Variants in ST8SIA2 observed in about 807,000 individuals in gnomAD.
The protein encoded by ST8SIA2 is ST8 alpha-N-acetyl-neuraminide alpha-2,8-sialyltransferase 2.
In ST8SIA2, 22 loss-of-function variants were observed where a neutral mutation model predicts 37.6. The ratio of observed to expected loss-of-function variants is 0.58; its 90% CI spans 0.42 to 0.83. ST8SIA2 has a LOEUF of 0.83. Among genes scored for constraint, ST8SIA2 ranks in the 40% least tolerant of loss-of-function variants. The probability of loss-of-function intolerance (pLI) is 0.00; values close to 1 mark genes in which losing one functional copy is unlikely to be tolerated. For missense variants in ST8SIA2, 382 were observed against 484.7 expected (o/e 0.79, Z 1.99); for synonymous variants, 205 against 201.2 (o/e 1.02, Z -0.16).
chr15:92,398,844 G>A (rs1251818535), intron 1 of ST8SIA2, among the ~76,000 whole-genome samples: 1 of 152,282 alleles, frequency 6.6e-6, no homozygotes, highest in Middle Eastern at 3.4e-3. Context: ...TAATGTTAAC[G>A]AATATATCTG....
chr15:92,454,883 C>G (rs951513297), intron 5 of ST8SIA2, among the ~76,000 whole-genome samples: 2 of 152,012 alleles, frequency 1.3e-5, no homozygotes, highest in Middle Eastern at 3.2e-3. Flanking sequence ...ATTACAACAT[C>G]GAAGGAGGCT....
chr15:92,429,766 T>A (rs1334185152), intron 1 of ST8SIA2, among the ~76,000 whole-genome samples: 2 of 152,248 alleles, frequency 1.3e-5, no homozygotes, highest in African/African-American at 4.8e-5. Flanking sequence ...AGGGAGTTTA[T>A]TTGCCGTCTT....
intron 1 of ST8SIA2, among the ~76,000 whole-genome samples, chr15:92,410,681 TGA>T (rs1270634313): frequency 6.6e-6 from 1 of 152,212 alleles, no homozygotes. Context: ...AAACATCTTA[TGA>T]GAGTAGTATA....
intron 1 of ST8SIA2, among the ~76,000 whole-genome samples, chr15:92,419,459 G>A (rs550280773): frequency 2.0e-5 from 3 of 152,246 alleles, no homozygotes; most frequent in East Asian, 3.9e-4. Flanking sequence ...CTGGGTGTGC[G>A]GGAAATACAC....
intron 1 of ST8SIA2, among the ~76,000 whole-genome samples, chr15:92,407,779 T>C (rs890059908): frequency 3.9e-5 from 6 of 152,254 alleles, no homozygotes; most frequent in African/African-American, 1.4e-4. Context: ...TAATTGTATT[T>C]ATTTTTGCTA....
chr15:92,413,084 A>G (rs568310935), intron 1 of ST8SIA2, among the ~76,000 whole-genome samples: 362 of 152,034 alleles, frequency 2.4e-3, no homozygotes, highest in Non-Finnish European at 3.8e-3. Context: ...CATGTCCCCA[A>G]ATTTCTATTT....
At chr15:92,436,715 T>C (rs2049760899) in intron 3 of ST8SIA2, among the ~76,000 whole-genome samples, 1 of 152,200 alleles carries the variant, frequency 6.6e-6, no homozygotes, top group Non-Finnish European at 1.5e-5. Flanking sequence ...AAACAGTGCC[T>C]CTGTTTTCCA....
chr15:92,423,399 C>G (rs2049651234), intron 1 of ST8SIA2, among the ~76,000 whole-genome samples: 1 of 152,232 alleles, frequency 6.6e-6, no homozygotes, highest in Non-Finnish European at 1.5e-5. Context: ...CCAGCCTGGG[C>G]TATGGAGCAA....
rs2049991467 is a variant in ST8SIA2 at position 92,466,276 on chromosome 15, G to T, written c.*1891G>T. On this transcript the variant is annotated 3_prime_UTR_variant, in exon 6 of 6. Transcript: ENST00000268164. Reference sequence around the variant, plus strand: ...CTAATAGCCTCTGTGGGAACTGAGTGGTTTCGGACTCCTCACAGGCGGTGG... The same window carrying T: ...CTAATAGCCTCTGTGGGAACTGAGTTGTTTCGGACTCCTCACAGGCGGTGG... 6.6e-6 allele frequency: 1 copy of T among 152,166 alleles called. No homozygotes were observed. Among genetic ancestry groups the T allele is most frequent in the African/African-American group, 2.4e-5 (1 of 41,448 alleles). The allele number at this position is 152,166 out of a possible 1,614,324, so 9.4% of individuals were successfully genotyped here. A position where few individuals can be genotyped will look rare whatever the true frequency, so the allele number is the denominator to read the frequency against.
At chr15:92,429,896 G>C (rs1376014676) in intron 1 of ST8SIA2, among the ~76,000 whole-genome samples, 153 bp from the exon 2 acceptor site, 1 of 152,182 alleles carries the variant, frequency 6.6e-6, no homozygotes, top group Non-Finnish European at 1.5e-5. Flanking sequence ...GCTGTGTCTG[G>C]GGCCAGGACT....
chr15:92,397,708 G>A (rs927793061), intron 1 of ST8SIA2, among the ~76,000 whole-genome samples: 1 of 152,192 alleles, frequency 6.6e-6, no homozygotes, highest in Admixed American at 6.5e-5. Context: ...GGATTGTGAG[G>A]CGTAGCTGTC....
Position 92,394,031 on chromosome 15 carries a change from G to A in ST8SIA2, c.-34G>A, listed in dbSNP as rs760619261. 2 of 1,521,886 alleles carry A rather than the reference G, an allele frequency of 1.3e-6. No individual in the cohort carries two copies. Among genetic ancestry groups the A allele is most frequent in the Non-Finnish European group, 1.8e-6 (2 of 1,129,538 alleles). The allele number at this position is 1,521,886 out of a possible 1,614,324, so 94.3% of individuals were successfully genotyped here. ...CCCTCCGGCCCCTGCTCCTCGCGCC[G>A]GCCCGCGTGGGTCCCGGCGGGCGCG... On this transcript the variant is annotated 5_prime_UTR_variant, in exon 1 of 6. Coordinates refer to ENST00000268164, the MANE Select transcript of ST8SIA2 (RefSeq NM_006011.4).
chr15:92,438,359 G>T lies in ST8SIA2; in HGVS notation c.297G>T (p.Gln99His). Residue 99 changes from glutamine to histidine, a missense_variant, in exon 4 of 6, where the codon CAG becomes CAT. Transcript: ENST00000268164. ...NQTLSLRIRKQILKFLDAEKD... is the reference protein window; with the variant it reads ...NQTLSLRIRKHILKFLDAEKD... ...GCATGTTTGGTTTTCACAGGAAGCA[G>T]ATTTTAAAGTTCTTGGATGCTGAAA... 6.2e-7 allele frequency: 1 copy of T among 1,614,214 alleles called. No individual in the cohort carries two copies. Among genetic ancestry groups the T allele is most frequent in the South Asian group, 1.1e-5 (1 of 91,080 alleles).
chr15:92,458,740 A>G (rs1290622308), intron 5 of ST8SIA2, among the ~76,000 whole-genome samples: 2 of 152,216 alleles, frequency 1.3e-5, no homozygotes, highest in East Asian at 3.8e-4. Context: ...GGGTGACCAC[A>G]GCTGCCCAGA....
At chr15:92,394,683 C>G (rs1259383374) in intron 1 of ST8SIA2, among the ~76,000 whole-genome samples, 2 of 152,132 alleles carry the variant, frequency 1.3e-5, no homozygotes, top group African/African-American at 4.8e-5. Flanking sequence ...GGAATGTCCC[C>G]TGCACACACA....
intron 5 of ST8SIA2, among the ~76,000 whole-genome samples, chr15:92,455,962 G>A (rs2049916931): frequency 6.6e-6 from 1 of 152,248 alleles, no homozygotes. Flanking sequence ...ATGAAAAGTG[G>A]TATCTGATTG....
At chr15:92,401,557 C>T (rs779035440) in intron 1 of ST8SIA2, among the ~76,000 whole-genome samples, 33 of 152,192 alleles carry the variant, frequency 2.2e-4, no homozygotes, top group Non-Finnish European at 7.3e-5. Flanking sequence ...CTGTATTACA[C>T]GTTGGCAGTC....
chr15:92,434,507 C>G, intron 3 of ST8SIA2, 132 bp downstream of exon 3: 2 of 1,351,894 alleles, frequency 1.5e-6, no homozygotes, highest in East Asian at 2.4e-5. Context: ...CAGGTTTCAT[C>G]TGTAAGTGAT....
At chr15:92,452,222 A>G (rs1276931674) in intron 5 of ST8SIA2, among the ~76,000 whole-genome samples, 2 of 152,174 alleles carry the variant, frequency 1.3e-5, no homozygotes, top group African/African-American at 4.8e-5. Flanking sequence ...CATCAGCATC[A>G]CTGGGAACTT....
Sources: gnomAD v4.1 joint callset for allele counts (sites outside exome capture counted in the v4.1 genomes callset) on GRCh38, gnomAD v4.1.1 for gene constraint, MANE v1.5 for transcripts, NCBI Gene and HGNC (gene_info 2026-07-23, HGNC 2026-07-21) for gene names.